KBTBD7: variants seen among roughly 807,000 people sequenced by gnomAD.
KBTBD7 encodes kelch repeat and BTB domain-containing protein 7.
A neutral mutation model predicts 50.3 loss-of-function variants in KBTBD7; 25 were observed. The ratio of observed to expected loss-of-function variants is 0.50; its 90% CI spans 0.36 to 0.69. The LOEUF (loss-of-function observed/expected upper bound fraction) is 0.69. KBTBD7 is among the 30% of genes least tolerant of loss of function. The pLI is 0.00. For synonymous variants in KBTBD7, 305 were observed against 325.3 expected (o/e 0.94, Z 0.67); for missense variants, 653 against 869.5 (o/e 0.75, Z 3.13).
Position 41,194,346 on chromosome 13 carries a change from C to G in KBTBD7, c.-89G>C. 6.6e-7 allele frequency: 1 copy of G among 1,511,948 alleles called. No individual in the cohort carries two copies. Among genetic ancestry groups the G allele is most frequent in the Non-Finnish European group, 8.9e-7 (1 of 1,125,224 alleles). The allele number at this position is 1,511,948 out of a possible 1,614,324, so 93.7% of individuals were successfully genotyped here. On this transcript the variant is annotated 5_prime_UTR_variant, in exon 1 of 1. Transcript: ENST00000379483. ...CAACCTTCCCTCGCTGACGCTAAGACAAGCCGCGTCCTGGAACAGACTGCG... is the reference window on the plus strand; with the variant it reads ...CAACCTTCCCTCGCTGACGCTAAGAGAAGCCGCGTCCTGGAACAGACTGCG...
Position 41,192,334 on chromosome 13 carries a change from T to A in KBTBD7, c.1924A>T (p.Thr642Ser). ...CTGAATCCATCTAAGTCCCATTCAGTACTAGACTCACTCCGTGCATCATCT... is the reference window on the plus strand; with the variant it reads ...CTGAATCCATCTAAGTCCCATTCAGAACTAGACTCACTCCGTGCATCATCT... ...EEDDARSESS[T>S]EWDLDGFSEL... The change falls in exon 1 of 1, where the codon ACT becomes TCT. Residue 642 changes from threonine to serine, a missense_variant. By Grantham distance (58) the Thr-to-Ser change is moderately conservative. Around this residue, in one of 3 missense-constraint regions of KBTBD7, gnomAD observed 526 missense variants for 717.1 expected, o/e 0.73. Transcript: ENST00000379483. The A allele has an allele frequency of 6.2e-7, 1 of 1,614,198 alleles. No individual in the cohort carries two copies. The highest frequency in any genetic ancestry group is 8.5e-7 in the Non-Finnish European group (1 of 1,180,032).
chr13:41,190,765 A>G lies in KBTBD7; in HGVS notation c.*1438T>C, dbSNP rs911228583. On this transcript the variant is annotated 3_prime_UTR_variant, in exon 1 of 1. Coordinates refer to ENST00000379483, the MANE Select transcript of KBTBD7 (RefSeq NM_032138.7). ...AGTCTATATTTGTGGACTTCCCCTT[A>G]CATATGGTGACAGAGAGACTGAAAC... 7.9e-5 allele frequency: 12 copies of G among 152,160 alleles called. No homozygotes were observed. Among genetic ancestry groups the G allele is most frequent in the African/African-American group, 2.7e-4 (11 of 41,446 alleles). 9.4% of individuals were successfully genotyped at this position (152,160 alleles called of 1,614,324 possible). A position where few individuals can be genotyped will look rare whatever the true frequency, so the allele number is the denominator to read the frequency against.
At position 41,194,404 on chromosome 13, in the gene KBTBD7, C is replaced by T; in HGVS notation, c.-147G>A. ...CCGCACTTCTGAATTCAGCCCTATC[C>T]CGCGGTGAGGCCTCCCTTTATTGCA... On this transcript the variant is annotated 5_prime_UTR_variant, in exon 1 of 1. Transcript: ENST00000379483. The T allele has an allele frequency of 9.3e-7, 1 of 1,076,364 alleles. No individual in the cohort carries two copies. Among genetic ancestry groups the T allele is most frequent in the Non-Finnish European group, 1.3e-6 (1 of 756,310 alleles). The allele number at this position is 1,076,364 out of a possible 1,614,324, so 66.7% of individuals were successfully genotyped here.
chr13:41,192,975 A>G lies in KBTBD7; in HGVS notation c.1283T>C (p.Met428Thr), dbSNP rs573427704. The G allele has an allele frequency of 3.1e-6, 5 of 1,614,192 alleles. No homozygotes were observed. The highest frequency in any genetic ancestry group is 2.2e-5 in the East Asian group (1 of 44,890). The part of the protein sequence containing the change: ...LADRLLCREG[M>T]DVAYLNGYIY... ...GTAGCCATTGAGATATGCCACATCC[A>G]TGCCCTCACGACACAGCAAGCGATC... is the stretch of plus-strand genomic sequence containing the variant. The change falls in exon 1 of 1, where the codon ATG becomes ACG. Residue 428 changes from methionine (M) to threonine (T), a missense_variant. Physicochemically the swap from Met to Thr is moderately conservative, Grantham distance 81. Transcript: ENST00000379483.
rs967203056 is a variant in KBTBD7 at position 41,194,383 on chromosome 13, A to C, written c.-126T>G. On this transcript the variant is annotated 5_prime_UTR_variant, in exon 1 of 1. Transcript: ENST00000379483. Reference sequence around the variant, plus strand: ...TGGAACAGACTGCGGCACGGGCCGCACTTCTGAATTCAGCCCTATCCCGCG... The same window carrying C: ...TGGAACAGACTGCGGCACGGGCCGCCCTTCTGAATTCAGCCCTATCCCGCG... 3 of 1,308,280 alleles carry C rather than the reference A, an allele frequency of 2.3e-6. No individual in the cohort carries two copies. Among genetic ancestry groups the C allele is most frequent in the Non-Finnish European group, 2.1e-6 (2 of 961,274 alleles). The allele number at this position is 1,308,280 out of a possible 1,614,324, so 81.0% of individuals were successfully genotyped here.
chr13:41,194,427 G>A lies in KBTBD7; in HGVS notation c.-170C>T. 1.2e-6 allele frequency: 1 copy of A among 841,696 alleles called. No individual in the cohort carries two copies. The highest frequency in any genetic ancestry group is 1.8e-6 in the Non-Finnish European group (1 of 544,782). The allele number at this position is 841,696 out of a possible 1,614,324, so 52.1% of individuals were successfully genotyped here. ...TCCCGCGGTGAGGCCTCCCTTTATT[G>A]CATAGACAGTGGCTGACTCACCCTC... On this transcript the variant is annotated 5_prime_UTR_variant, in exon 1 of 1. It introduces an in-frame stop codon into an upstream open reading frame of the 5' UTR. Coordinates refer to ENST00000379483, the MANE Select transcript of KBTBD7 (RefSeq NM_032138.7).
rs1252955118 is a variant in KBTBD7 at position 41,191,154 on chromosome 13, A to C, written c.*1049T>G. On this transcript the variant is annotated 3_prime_UTR_variant, in exon 1 of 1. Transcript: ENST00000379483. ...AGCTTATACATATGTTCTAAACCAT[A>C]TTACCTCACAAAACAGTAAAGAATA... 6.6e-6 allele frequency: 1 copy of C among 152,162 alleles called. No individual in the cohort carries two copies. Among genetic ancestry groups the C allele is most frequent in the African/African-American group, 2.4e-5 (1 of 41,454 alleles). 9.4% of individuals were successfully genotyped at this position (152,162 alleles called of 1,614,324 possible).
chr13:41,191,552 CTTTTTTTTTTTTT>C lies in KBTBD7; in HGVS notation c.*638_*650del, dbSNP rs1206275963. On this transcript the variant is annotated 3_prime_UTR_variant, in exon 1 of 1. Transcript: ENST00000379483. ...TAAAACAGTGGAATCCTGATTTTTT[CTTTTTTTTTTTTT>C]TTTTTTTTACTTTCTGTGAGCTTAT... is the stretch of plus-strand genomic sequence containing the variant. 9.8e-5 allele frequency: 5 copies of C among 50,828 alleles called. No homozygotes were observed. Among genetic ancestry groups the C allele is most frequent in the African/African-American group, 1.6e-4 (4 of 24,340 alleles). The allele number at this position is 50,828 out of a possible 1,614,324, so 3.1% of individuals were successfully genotyped here.
rs747339046 is a variant in KBTBD7, at chr13:41,193,620, G to A, written c.638C>T (p.Thr213Ile). ...CTGGGCCAGGGTTAGATCTGCTAGA[G>A]TCTCCTCCCGAATTGAACCCATTCG... The part of the protein sequence containing the change: ...LSRMGSIREE[T>I]LADLTLAQLL... Residue 213 changes from threonine to isoleucine, a missense_variant, in exon 1 of 1, where the codon ACT (threonine) becomes ATT (isoleucine). Transcript: ENST00000379483. The surrounding 1 kb of genome is among the most constrained non-coding windows in gnomAD (Gnocchi z 5.7). The A allele has an allele frequency of 6.2e-7, 1 of 1,614,220 alleles. No individual in the cohort carries two copies.
Position 41,194,384 on chromosome 13 carries a change from C to G in KBTBD7, c.-127G>C, listed in dbSNP as rs562842444. On this transcript the variant is annotated 5_prime_UTR_variant, in exon 1 of 1. Transcript: ENST00000379483. ...GGAACAGACTGCGGCACGGGCCGCA[C>G]TTCTGAATTCAGCCCTATCCCGCGG... The G allele has an allele frequency of 7.8e-7, 1 of 1,277,834 alleles. No homozygotes were observed. Among genetic ancestry groups the G allele is most frequent in the East Asian group, 2.5e-5 (1 of 40,132 alleles). The allele number at this position is 1,277,834 out of a possible 1,614,324, so 79.2% of individuals were successfully genotyped here.
In KBTBD7 at chr13:41,190,406, T is replaced by C. The variant is rs1235120234; in HGVS notation, c.*1797A>G. The C allele has an allele frequency of 6.6e-6, 1 of 152,138 alleles. No individual in the cohort carries two copies. Among genetic ancestry groups the C allele is most frequent in the African/African-American group, 2.4e-5 (1 of 41,408 alleles). The allele number at this position is 152,138 out of a possible 1,614,324, so 9.4% of individuals were successfully genotyped here. The stretch of plus-strand genomic sequence containing the variant: ...TGACTAAGAAACATTATCGTGTGTT[T>C]TTTTGTTTGTTTGTTTTTTCATCCT... On this transcript the variant is annotated 3_prime_UTR_variant, in exon 1 of 1. Transcript: ENST00000379483.
chr13:41,194,086 C>T lies in KBTBD7; in HGVS notation c.172G>A (p.Asp58Asn). 3 of 1,614,208 alleles carry T rather than the reference C, an allele frequency of 1.9e-6. No individual in the cohort carries two copies. Among genetic ancestry groups the T allele is most frequent in the South Asian group, 1.1e-5 (1 of 91,090 alleles). ...GTCACATCACACAGCAGCCGCGCGT[C>T]GTAGAAGGACTTGAGCTGTGCCAGC... ...ALLAQLKSFY[D>N]ARLLCDVTIE... Residue 58 changes from aspartate (D) to asparagine (N), a missense_variant, in exon 1 of 1, where the codon GAC (aspartate) becomes AAC (asparagine). By Grantham distance (23) the Asp-to-Asn change is conservative (BLOSUM62 1). Coordinates refer to ENST00000379483, the MANE Select transcript of KBTBD7 (RefSeq NM_032138.7).
Position 41,194,265 on chromosome 13 carries a change from A to T in KBTBD7, c.-8T>A. On this transcript the variant is annotated 5_prime_UTR_variant, in exon 1 of 1. Coordinates refer to ENST00000379483, the MANE Select transcript of KBTBD7 (RefSeq NM_032138.7). The stretch of plus-strand genomic sequence containing the variant: ...GTCTTCCCGGGACTGCATGGTGGAG[A>T]TGGCGACGGGCGCTGACGGCGAGAA... 1 of 1,609,240 alleles carries T rather than the reference A, an allele frequency of 6.2e-7. No homozygotes were observed. The highest frequency in any genetic ancestry group is 8.5e-7 in the Non-Finnish European group (1 of 1,176,854).
Position 41,192,574 on chromosome 13 carries a change from C to T in KBTBD7, c.1684G>A (p.Val562Ile). ...AGAAGCAACTTTTGGTCATGATTGA[C>T]AATCTGGTAGTTGTGGGTCTCTGAA... ...LDSETHNYQIVNHDQKLLLIT... is the reference protein window; with the variant it reads ...LDSETHNYQIINHDQKLLLIT... The change falls in exon 1 of 1, where the codon GTC becomes ATC. Residue 562 changes from valine to isoleucine, a missense_variant. Coordinates refer to ENST00000379483, the MANE Select transcript of KBTBD7 (RefSeq NM_032138.7). 1.2e-6 allele frequency: 2 copies of T among 1,614,136 alleles called. No homozygotes were observed. The highest frequency in any genetic ancestry group is 1.7e-6 in the Non-Finnish European group (2 of 1,180,008).
rs138677495 is a variant in KBTBD7, at chr13:41,193,964, G to A, written c.294C>T (p.Ser98=). 549 of 1,613,922 alleles carry A rather than the reference G, an allele frequency of 3.4e-4. No individual in the cohort carries two copies. Among genetic ancestry groups the A allele is most frequent in the Non-Finnish European group, 4.3e-4 (512 of 1,179,954 alleles). Residue 98 remains serine, a synonymous_variant, in exon 1 of 1, where the codon AGC becomes AGT. Transcript: ENST00000379483. The surrounding 1 kb of genome is among the most constrained non-coding windows in gnomAD (Gnocchi z 5.7). ...VLAAACPYFK[S]MFTGGMYESQ... is the part of the protein sequence containing the mutation. ...TCTCGTACATGCCACCTGTGAACAT[G>A]CTCTTGAAGTAGGGACACGCAGCTG...
In KBTBD7 at chr13:41,193,565, C is replaced by T. The variant is rs1236109367; in HGVS notation, c.693G>A (p.Leu231=). 6.2e-7 allele frequency: 1 copy of T among 1,614,216 alleles called. No individual in the cohort carries two copies. The highest frequency in any genetic ancestry group is 1.3e-5 in the African/African-American group (1 of 75,044). The part of the protein sequence containing the change: ...QLLAVLRLDS[L]DIESERTVCH... ...ATACAGTCCGCTCACTCTCTATGTC[C>T]AGACTATCCAGGCGTAGGACAGCCA... is the stretch of plus-strand genomic sequence containing the variant. Residue 231 remains leucine (L), a synonymous_variant, in exon 1 of 1, where the codon CTG becomes CTA. Coordinates refer to ENST00000379483, the MANE Select transcript of KBTBD7 (RefSeq NM_032138.7). The surrounding 1 kb of genome is among the most constrained non-coding windows in gnomAD (Gnocchi z 5.7).
rs761527479 is a variant in KBTBD7, at chr13:41,193,664, G to C, written c.594C>G (p.His198Gln). 17 of 1,614,104 alleles carry C rather than the reference G, an allele frequency of 1.1e-5. No individual in the cohort carries two copies. Among genetic ancestry groups the C allele is most frequent in the Non-Finnish European group, 1.4e-5 (16 of 1,180,036 alleles). ...CCATTCGGCTGAGCTGCTTGAAGTT[G>C]TGAGCTATGTAGGACTGGGCCTGAG... ...LRSQAQSYIA[H>Q]NFKQLSRMGS... Residue 198 changes from histidine to glutamine, a missense_variant, in exon 1 of 1, where the codon CAC (histidine) becomes CAG (glutamine). Physicochemically the swap from His to Gln is conservative, Grantham distance 24 (BLOSUM62 0). Around this residue, in one of 3 missense-constraint regions of KBTBD7, gnomAD observed 526 missense variants for 717.1 expected, o/e 0.73. Coordinates refer to ENST00000379483, the MANE Select transcript of KBTBD7 (RefSeq NM_032138.7). The surrounding 1 kb of genome is among the most constrained non-coding windows in gnomAD (Gnocchi z 5.7).
chr13:41,193,793 A>G lies in KBTBD7; in HGVS notation c.465T>C (p.Tyr155=). ...YAASDMLQLE[Y]VREACASFLA... ...AGAAGGAGGCACAGGCTTCCCGCAC[A>G]TATTCCAGCTGTAGCATGTCGGAGG... The change falls in exon 1 of 1, where the codon TAT becomes TAC. Residue 155 remains tyrosine, a synonymous_variant. Transcript: ENST00000379483. This position sits in a 1 kb window ranked among gnomAD's most constrained non-coding sequence, Gnocchi z 5.7. 1.2e-6 allele frequency: 2 copies of G among 1,614,218 alleles called. No individual in the cohort carries two copies. The highest frequency in any genetic ancestry group is 1.7e-6 in the Non-Finnish European group (2 of 1,180,036).
rs779379416 is a variant in KBTBD7 at position 41,194,172 on chromosome 13, G to A, written c.86C>T (p.Ser29Leu). The A allele has an allele frequency of 2.6e-5, 42 of 1,614,088 alleles. No homozygotes were observed. The highest frequency in any genetic ancestry group is 3.5e-5 in the Non-Finnish European group (41 of 1,180,056). The stretch of plus-strand genomic sequence containing the variant: ...TGGACCCGTGAAAAAGGCCGAAACC[G>A]AGGGCTTGGAAATCCTCTTGGGCCG... ...GRRPKRISKP[S>L]VSAFFTGPEE... The change falls in exon 1 of 1, where the codon TCG becomes TTG. Residue 29 changes from serine (S) to leucine (L), a missense_variant. Transcript: ENST00000379483.
Sources: gnomAD v4.1 joint callset for allele counts on GRCh38, gnomAD v4.1.1 for gene constraint, gnomAD v4.1.1 regional missense constraint, Gnocchi (gnomAD v3.1) non-coding constraint, MANE v1.5 for transcripts, NCBI Gene and HGNC (gene_info 2026-07-23, HGNC 2026-07-21) for gene names.